MARCHF1: variants seen among roughly 807,000 people sequenced by gnomAD.
MARCHF1 encodes E3 ubiquitin-protein ligase MARCHF1.
Under a neutral mutation model 54.2 loss-of-function variants are expected in MARCHF1, and 40 were observed. The observed-to-expected ratio is 0.74, with a 90% CI of 0.57 to 0.96. The LOEUF (loss-of-function observed/expected upper bound fraction) is 0.96. Ranked by LOEUF, MARCHF1 falls within the 40% of genes least tolerant of loss-of-function variation. The probability of loss-of-function intolerance (pLI) is 0.00; values close to 1 mark genes in which losing one functional copy is unlikely to be tolerated. For synonymous variants in MARCHF1, 236 were observed against 236.3 expected (o/e 1.00, Z 0.01); for missense variants, 586 against 656.5 (o/e 0.89, Z 1.17).
At chr4:164,141,227 G>A (rs1281683583) in intron 1 of MARCHF1, among the ~76,000 whole-genome samples, 1 of 152,152 alleles carries the variant, frequency 6.6e-6, no homozygotes, top group East Asian at 1.9e-4. Flanking sequence ...TACTTTCTAA[G>A]GATGGGGGCT....
intron 2 of MARCHF1, among the ~76,000 whole-genome samples, chr4:164,064,702 G>T (rs965761214): frequency 1.3e-5 from 2 of 152,170 alleles, no homozygotes; most frequent in Non-Finnish European, 2.9e-5. Context: ...GGAGTGGTGA[G>T]AGAAGGCATC....
At chr4:163,802,207 G>A (rs895837291) in intron 4 of MARCHF1, among the ~76,000 whole-genome samples, 2 of 151,964 alleles carry the variant, frequency 1.3e-5, no homozygotes, top group African/African-American at 2.4e-5. Context: ...TAGTAGAAAC[G>A]CACCCTCAAC....
chr4:163,642,323 T>C (rs1178650304), intron 5 of MARCHF1, among the ~76,000 whole-genome samples: 1 of 152,204 alleles, frequency 6.6e-6, no homozygotes. Flanking sequence ...GTTGGTTCTT[T>C]TTTATTAACA....
chr4:163,901,587 G>C (rs956090596), intron 3 of MARCHF1, among the ~76,000 whole-genome samples: 5 of 152,100 alleles, frequency 3.3e-5, no homozygotes, highest in African/African-American at 1.2e-4. Context: ...TACGTTTTCA[G>C]CCCTGGGAAT....
At chr4:163,697,070 G>A (rs1282577766) in intron 5 of MARCHF1, among the ~76,000 whole-genome samples, 1 of 152,166 alleles carries the variant, frequency 6.6e-6, no homozygotes, top group Non-Finnish European at 1.5e-5. Context: ...GAAACCAGGA[G>A]CAAGCTTCCA....
At chr4:164,199,681 C>CACACACACACAGAGAG (rs1462208986) in intron 1 of MARCHF1, among the ~76,000 whole-genome samples, 3 of 47,658 alleles carry the variant, frequency 6.3e-5, no homozygotes, top group African/African-American at 8.4e-5. Context: ...CACACACACA[C>CACACACACACAGAGAG]AGAGAGAGAG....
At chr4:163,964,621 T>C (rs1331857470) in intron 3 of MARCHF1, among the ~76,000 whole-genome samples, 1 of 152,002 alleles carries the variant, frequency 6.6e-6, no homozygotes, top group Non-Finnish European at 1.5e-5. Flanking sequence ...AAAAATCTTG[T>C]AAATCAGGTC....
intron 1 of MARCHF1, among the ~76,000 whole-genome samples, chr4:164,170,592 T>A (rs1302334579): frequency 8.5e-5 from 13 of 152,140 alleles, no homozygotes; most frequent in African/African-American, 3.1e-4. Flanking sequence ...GTTCCTTCCC[T>A]CAAAAAGCCA....
intron 3 of MARCHF1, among the ~76,000 whole-genome samples, chr4:163,905,083 A>T (rs1214247244): frequency 6.6e-6 from 1 of 152,140 alleles, no homozygotes; most frequent in Admixed American, 6.6e-5. Context: ...TATGGTGGAT[A>T]ATGATCCCTA....
chr4:164,244,202 G>A (rs1391995226), intron 1 of MARCHF1, among the ~76,000 whole-genome samples: 1 of 151,320 alleles, frequency 6.6e-6, no homozygotes, highest in East Asian at 1.9e-4. Flanking sequence ...ACCATATACT[G>A]GGAAGTAAAG....
intron 3 of MARCHF1, among the ~76,000 whole-genome samples, chr4:163,912,763 T>C (rs562117754): frequency 3.3e-5 from 5 of 152,310 alleles, no homozygotes; most frequent in African/African-American, 9.6e-5. Context: ...TTCAAGATTG[T>C]CTGCCGGCCT....
intron 4 of MARCHF1, among the ~76,000 whole-genome samples, chr4:163,823,811 T>C (rs1342082677): frequency 1.3e-5 from 2 of 151,890 alleles, no homozygotes; most frequent in Admixed American, 1.3e-4. Context: ...CCAAGATAGT[T>C]ATTTTTTTCT....
chr4:164,124,434 C>A (rs899974367), intron 1 of MARCHF1, among the ~76,000 whole-genome samples: 1 of 152,020 alleles, frequency 6.6e-6, no homozygotes, highest in Non-Finnish European at 1.5e-5. Context: ...TGGGTATACA[C>A]CCAAAAGAAA....
At chr4:163,957,750 T>C (rs1560836048) in intron 3 of MARCHF1, among the ~76,000 whole-genome samples, 3 of 151,970 alleles carry the variant, frequency 2.0e-5, no homozygotes, top group Admixed American at 2.0e-4. Flanking sequence ...ACACCCAACT[T>C]TCACCCTGTA....
chr4:163,794,198 G>T (rs962215821), intron 4 of MARCHF1, among the ~76,000 whole-genome samples: 5 of 152,168 alleles, frequency 3.3e-5, no homozygotes, highest in Non-Finnish European at 5.9e-5. Flanking sequence ...TAACATCAGT[G>T]TATGAGATGT....
intron 2 of MARCHF1, among the ~76,000 whole-genome samples, chr4:163,998,714 A>G (rs758491663): frequency 2.0e-5 from 3 of 151,750 alleles, no homozygotes; most frequent in Admixed American, 1.3e-4. Flanking sequence ...GATTTCACAT[A>G]CAAATGAGAT....
intron 1 of MARCHF1, among the ~76,000 whole-genome samples, chr4:164,149,327 G>C (rs964554300): frequency 6.6e-6 from 1 of 152,022 alleles, no homozygotes; most frequent in Non-Finnish European, 1.5e-5. Flanking sequence ...TATGGCCTAT[G>C]GACTCTAGCT....
At chr4:163,706,622 T>C (rs1230086950) in intron 4 of MARCHF1, among the ~76,000 whole-genome samples, 2 of 151,988 alleles carry the variant, frequency 1.3e-5, no homozygotes, top group Non-Finnish European at 2.9e-5. Flanking sequence ...TAAAGTACCA[T>C]ACTTTGATGG....
At position 163,779,827 on chromosome 4, in the gene MARCHF1, G is replaced by GAA. The variant is rs561133797; in HGVS notation, c.111+74192_111+74193dup. 7.1e-3 allele frequency among the ~76,000 whole-genome samples: 1,076 copies of GAA among 151,020 alleles called. 8 individuals are homozygous for GAA. The highest frequency in any genetic ancestry group is 0.03 in the South Asian group (145 of 4,784). ...TCCACTGCCTACTTGAAAAAAAGAA[G>GAA]AAAAAAAAACCCCTATTACATAGAT... is the stretch of plus-strand genomic sequence containing the variant. On this transcript the variant is annotated intron_variant, in intron 4 of 9. Coordinates refer to ENST00000514618, the MANE Select transcript of MARCHF1 (RefSeq NM_001394959.1).
Sources: allele counts gnomAD v4.1 joint callset (sites outside exome capture counted in the v4.1 genomes callset), GRCh38; gene constraint gnomAD v4.1.1; transcripts MANE v1.5; gene names NCBI Gene and HGNC (gene_info 2026-07-23, HGNC 2026-07-21).